The following ZC3H12B variants were observed in gnomAD, a reference collection of about 807,000 sequenced individuals.
ZC3H12B encodes the protein zinc finger CCCH-type containing 12B.
Under a neutral mutation model 43.9 loss-of-function variants are expected in ZC3H12B, and 7 were observed. The observed-to-expected ratio is 0.16, with a 90% CI of 0.09 to 0.30. The LOEUF is 0.30. Ranked by LOEUF, ZC3H12B falls within the 10% of genes least tolerant of loss-of-function variation. The pLI, the probability that ZC3H12B is intolerant of heterozygous loss-of-function variation, is 1.00. For missense variants in ZC3H12B, 475 were observed against 670.2 expected, an observed-to-expected ratio of 0.71 and a Z score of 3.22; for synonymous variants, 222 against 241.7, an observed-to-expected ratio of 0.92 and a Z score of 0.76.
the ZC3H12B span, among the ~76,000 whole-genome samples, chrX:65,171,450 G>A: frequency 3.3e-3 from 365 of 111,027 alleles, 3 homozygotes; most frequent in African/African-American, 0.011. Flanking sequence ...CAGTCGGCCC[G>A]TATTGGGAGG....
At chrX:65,237,388 G>A in the ZC3H12B span, among the ~76,000 whole-genome samples, 2 of 111,389 alleles carry the variant, frequency 1.8e-5, no homozygotes, top group African/African-American at 6.5e-5. Flanking sequence ...ATGTAGAAAT[G>A]CTAGCAATTT....
chrX:65,176,902 G>C, the ZC3H12B span, among the ~76,000 whole-genome samples: 2 of 111,829 alleles, frequency 1.8e-5, no homozygotes, highest in Non-Finnish European at 3.8e-5. Flanking sequence ...CAACAGAAAA[G>C]GAGGGACTCC....
chrX:65,089,711 A>C, the ZC3H12B span, among the ~76,000 whole-genome samples: 1 of 112,602 alleles, frequency 8.9e-6, no homozygotes, highest in Non-Finnish European at 1.9e-5. Flanking sequence ...ATAGATGTAC[A>C]GCTGTACAAA....
chrX:65,468,920 G>A (rs1159848038), intron 3 of ZC3H12B, among the ~76,000 whole-genome samples: 2 of 109,130 alleles, frequency 1.8e-5, no homozygotes, highest in Non-Finnish European at 3.8e-5. Context: ...CGAGCACTGG[G>A]CCAGTGGGGC....
At chrX:65,148,243 G>C in the ZC3H12B span, among the ~76,000 whole-genome samples, 1 of 111,224 alleles carries the variant, frequency 9.0e-6, no homozygotes, top group African/African-American at 3.3e-5. Flanking sequence ...CTGGCTCTTT[G>C]CTGATCTGAA....
At chrX:65,270,919 G>A in the ZC3H12B span, 24 of 111,650 alleles carry the variant, frequency 2.1e-4, no homozygotes, top group Non-Finnish European at 4.0e-4. Flanking sequence ...AGGACTGCTG[G>A]AGGCTACAGG....
the ZC3H12B span, among the ~76,000 whole-genome samples, chrX:65,155,512 CATTT>C: frequency 9.0e-6 from 1 of 110,920 alleles, no homozygotes; most frequent in African/African-American, 3.3e-5. Flanking sequence ...TTTCCTTTGT[CATTT>C]AGTTATTGTT....
chrX:65,424,962 C>T (rs1477359770), intron 3 of ZC3H12B, among the ~76,000 whole-genome samples: 2 of 111,161 alleles, frequency 1.8e-5, no homozygotes, highest in African/African-American at 3.3e-5. Context: ...TATTTTGGTT[C>T]CATATGAATT....
At chrX:65,160,713 G>T in the ZC3H12B span, among the ~76,000 whole-genome samples, 13 of 111,175 alleles carry the variant, frequency 1.2e-4, no homozygotes, top group Admixed American at 3.8e-4. Context: ...AAAAACCAGT[G>T]CCTGGATTAA....
chrX:65,130,261 CTGCT>C, the ZC3H12B span, among the ~76,000 whole-genome samples: 2 of 111,043 alleles, frequency 1.8e-5, no homozygotes, highest in South Asian at 3.8e-4. Context: ...GCCTGAGAAA[CTGCT>C]TGGGTGATTT....
chrX:65,137,871 C>T, the ZC3H12B span, among the ~76,000 whole-genome samples: 3 of 112,662 alleles, frequency 2.7e-5, no homozygotes, highest in South Asian at 1.1e-3. Context: ...CTCTATTGCC[C>T]AGGCTGTAGG....
the ZC3H12B span, among the ~76,000 whole-genome samples, chrX:65,160,717 G>T: frequency 2.7e-5 from 3 of 111,404 alleles, no homozygotes; most frequent in South Asian, 7.5e-4. Flanking sequence ...ACCAGTGCCT[G>T]GATTAATTAA....
the ZC3H12B span, among the ~76,000 whole-genome samples, chrX:65,319,727 G>A: frequency 9.0e-6 from 1 of 111,099 alleles, no homozygotes; most frequent in Non-Finnish European, 1.9e-5. Context: ...AATCCACCTT[G>A]ACCAAGTGTG....
chrX:65,098,225 T>TACAC, the ZC3H12B span, among the ~76,000 whole-genome samples: 9,076 of 96,100 alleles, frequency 0.094, 1,230 homozygotes, highest in African/African-American at 0.34. Flanking sequence ...CATGTCTTAG[T>TACAC]ACACACACAC....
the ZC3H12B span, among the ~76,000 whole-genome samples, chrX:65,325,953 A>C: frequency 8.9e-6 from 1 of 111,856 alleles, no homozygotes; most frequent in Non-Finnish European, 1.9e-5. Flanking sequence ...TACAATGAGA[A>C]AAGGACAATC....
At chrX:65,160,301 C>CT in the ZC3H12B span, among the ~76,000 whole-genome samples, 36 of 111,133 alleles carry the variant, frequency 3.2e-4, no homozygotes, top group South Asian at 1.1e-3. Flanking sequence ...AGGATTCCTT[C>CT]TTTTGTATTG....
chrX:65,133,447 A>G, the ZC3H12B span, among the ~76,000 whole-genome samples: 1 of 110,307 alleles, frequency 9.1e-6, no homozygotes, highest in East Asian at 2.9e-4. Context: ...CAAATGGGCC[A>G]TGAACTGGGT....
intron 3 of ZC3H12B, among the ~76,000 whole-genome samples, chrX:65,451,538 C>A (rs759396042): frequency 9.0e-6 from 1 of 110,658 alleles, no homozygotes; most frequent in South Asian, 3.8e-4. Context: ...ATGGAGGTAT[C>A]ACTATGTTGC....
At chrX:65,480,289 T>G (rs1255909590) in intron 3 of ZC3H12B, among the ~76,000 whole-genome samples, 1 of 112,547 alleles carries the variant, frequency 8.9e-6, no homozygotes, top group African/African-American at 3.2e-5. Flanking sequence ...TTTTCACTAT[T>G]TTTAATTTCT....
Sources: gnomAD v4.1 joint callset for allele counts (sites outside exome capture counted in the v4.1 genomes callset) on GRCh38, gnomAD v4.1.1 for gene constraint, MANE v1.5 for transcripts, NCBI Gene and HGNC (gene_info 2026-07-23, HGNC 2026-07-21) for gene names.